CDKAL1: variants seen among roughly 807,000 people sequenced by gnomAD.
CDKAL1 encodes the protein threonylcarbamoyladenosine tRNA methylthiotransferase.
Under a neutral mutation model 68.2 loss-of-function variants are expected in CDKAL1, and 32 were observed. That is an observed-to-expected ratio of 0.47 (90% CI 0.35 to 0.63). The LOEUF (loss-of-function observed/expected upper bound fraction) is 0.63. CDKAL1 is among the 30% of genes least tolerant of loss of function. The pLI is 0.00. For synonymous variants in CDKAL1, 234 were observed against 244.3 expected, an observed-to-expected ratio of 0.96 and a Z score of 0.39; for missense variants, 606 against 696.7, an observed-to-expected ratio of 0.87 and a Z score of 1.47.
intron 9 of CDKAL1, among the ~76,000 whole-genome samples, chr6:20,934,348 T>C (rs529348124): frequency 2.0e-5 from 3 of 152,346 alleles, no homozygotes; most frequent in African/African-American, 7.2e-5. Context: ...TTCATCTTTG[T>C]GCTTTTAGCA....
At chr6:20,766,690 A>G (rs1450356777) in intron 7 of CDKAL1, among the ~76,000 whole-genome samples, 2 of 152,212 alleles carry the variant, frequency 1.3e-5, no homozygotes, top group Non-Finnish European at 2.9e-5. Context: ...ATGAGCAAAT[A>G]TATGTTTGAA....
intron 8 of CDKAL1, among the ~76,000 whole-genome samples, chr6:20,832,099 A>G (rs1228516920): frequency 1.3e-5 from 2 of 152,188 alleles, no homozygotes; most frequent in South Asian, 2.1e-4. Context: ...TTTAAGACCC[A>G]TTTTGAACTC....
intron 4 of CDKAL1, among the ~76,000 whole-genome samples, chr6:20,619,897 G>A (rs1767099413): frequency 6.6e-6 from 1 of 152,150 alleles, no homozygotes; most frequent in Non-Finnish European, 1.5e-5. Flanking sequence ...ATGTATTCAA[G>A]TGACTTGGAA....
chr6:20,567,262 T>C (rs1764498640), intron 4 of CDKAL1, among the ~76,000 whole-genome samples: 1 of 151,388 alleles, frequency 6.6e-6, no homozygotes, highest in Non-Finnish European at 1.5e-5. Context: ...AGCCTGTATT[T>C]CACAAACGTC....
chr6:21,003,406 CT>C (rs1767561466), intron 11 of CDKAL1, among the ~76,000 whole-genome samples: 2 of 79,808 alleles, frequency 2.5e-5, no homozygotes, highest in African/African-American at 1.1e-4. Context: ...ACACACATAC[CT>C]ACACAAAAAT....
chr6:20,573,345 T>C (rs1337045270), intron 4 of CDKAL1, among the ~76,000 whole-genome samples: 1 of 151,886 alleles, frequency 6.6e-6, no homozygotes, highest in Non-Finnish European at 1.5e-5. Flanking sequence ...TTCATAACAC[T>C]TTTGCAGTTT....
chr6:21,162,702 A>C (rs1776975245), intron 13 of CDKAL1, among the ~76,000 whole-genome samples: 1 of 152,170 alleles, frequency 6.6e-6, no homozygotes, highest in Non-Finnish European at 1.5e-5. Context: ...AGGTGGGAGA[A>C]TCGCTGGAGC....
At chr6:20,853,393 A>AC (rs1266998145) in intron 9 of CDKAL1, among the ~76,000 whole-genome samples, 24 of 33,188 alleles carry the variant, frequency 7.2e-4, no homozygotes, top group East Asian at 5.7e-3. Context: ...AAACAAAACA[A>AC]AAAAAAAACA....
chr6:20,632,024 G>A (rs917497864), intron 4 of CDKAL1, among the ~76,000 whole-genome samples: 1 of 152,152 alleles, frequency 6.6e-6, no homozygotes, highest in African/African-American at 2.4e-5. Flanking sequence ...ACATTTTAAT[G>A]ATATTTTAGT....
At chr6:21,180,778 T>C (rs2032763218) in intron 13 of CDKAL1, among the ~76,000 whole-genome samples, 1 of 152,202 alleles carries the variant, frequency 6.6e-6, no homozygotes, top group African/African-American at 2.4e-5. Context: ...GTTTGTGATC[T>C]GGTAAGAAAA....
At chr6:21,177,542 A>G (rs1777632267) in intron 13 of CDKAL1, among the ~76,000 whole-genome samples, 1 of 152,214 alleles carries the variant, frequency 6.6e-6, no homozygotes, top group South Asian at 2.1e-4. Flanking sequence ...AAAAATGAAT[A>G]CATTAAGAAA....
intron 9 of CDKAL1, among the ~76,000 whole-genome samples, chr6:20,890,451 C>T (rs1349298091): frequency 6.6e-5 from 10 of 152,160 alleles, no homozygotes; most frequent in Admixed American, 5.9e-4. Context: ...GTGGAAAAAT[C>T]AGTGAGCAAT....
intron 11 of CDKAL1, among the ~76,000 whole-genome samples, chr6:21,040,220 A>C (rs1489853528): frequency 6.6e-6 from 1 of 152,156 alleles, no homozygotes; most frequent in Non-Finnish European, 1.5e-5. Flanking sequence ...AATACGATGG[A>C]GTTTTTGACG....
intron 9 of CDKAL1, among the ~76,000 whole-genome samples, chr6:20,951,420 T>A (rs1268037867): frequency 1.3e-5 from 2 of 152,230 alleles, no homozygotes; most frequent in Non-Finnish European, 2.9e-5. Flanking sequence ...TTATCCTTCT[T>A]TTATTATCAA....
intron 10 of CDKAL1, among the ~76,000 whole-genome samples, chr6:20,963,938 C>T (rs1765175295): frequency 6.6e-6 from 1 of 152,042 alleles, no homozygotes; most frequent in African/African-American, 2.4e-5. Context: ...AACTTCTGAA[C>T]TTCCCAAACT....
At chr6:20,765,016 T>A (rs1357493111) in intron 7 of CDKAL1, among the ~76,000 whole-genome samples, 1 of 152,142 alleles carries the variant, frequency 6.6e-6, no homozygotes, top group African/African-American at 2.4e-5. Flanking sequence ...AGCCAGGGAT[T>A]TATTACTTTA....
intron 8 of CDKAL1, among the ~76,000 whole-genome samples, chr6:20,826,916 A>G (rs1480733733): frequency 6.6e-6 from 1 of 152,116 alleles, no homozygotes; most frequent in Non-Finnish European, 1.5e-5. Context: ...AATCTTTGTG[A>G]CTTACTTTCT....
intron 15 of CDKAL1, among the ~76,000 whole-genome samples, chr6:21,219,025 GGA>G (rs1779440082): frequency 6.6e-6 from 1 of 152,106 alleles, no homozygotes; most frequent in Non-Finnish European, 1.5e-5. Context: ...AAATAGAAAG[GGA>G]GAATGGGCAT....
intron 8 of CDKAL1, among the ~76,000 whole-genome samples, chr6:20,826,282 T>C (rs570717360): frequency 4.6e-5 from 7 of 152,294 alleles, no homozygotes; most frequent in East Asian, 1.9e-4. Context: ...GTCACAAAAA[T>C]CTTTTTGGTT....
Sources: allele counts gnomAD v4.1 joint callset (sites outside exome capture counted in the v4.1 genomes callset), GRCh38; gene constraint gnomAD v4.1.1; transcripts MANE v1.5; gene names NCBI Gene and HGNC (gene_info 2026-07-23, HGNC 2026-07-21).